C8orf34: variants seen among roughly 807,000 people sequenced by gnomAD.
C8orf34 encodes the protein chromosome 8 open reading frame 34.
In C8orf34, 65 loss-of-function variants were observed where a neutral mutation model predicts 68.3. That is an observed-to-expected ratio of 0.95 (90% CI 0.78 to 1.17). The LOEUF (loss-of-function observed/expected upper bound fraction) is 1.17. Ranked by LOEUF, C8orf34 falls within the 50% of genes most tolerant of loss-of-function variation. The pLI is 0.00. For missense variants in C8orf34, 664 were observed against 655.4 expected, an observed-to-expected ratio of 1.01 and a Z score of -0.14; for synonymous variants, 244 against 241.2, an observed-to-expected ratio of 1.01 and a Z score of -0.11.
chr8:68,727,846 C>G (rs933773429), intron 10 of C8orf34, among the ~76,000 whole-genome samples: 2 of 152,180 alleles, frequency 1.3e-5, no homozygotes, highest in Admixed American at 1.3e-4. Context: ...ACCCTAGGCC[C>G]AGCCCATCCT....
intron 7 of C8orf34, among the ~76,000 whole-genome samples, chr8:68,610,720 G>A (rs1307737852): frequency 6.6e-6 from 1 of 152,098 alleles, no homozygotes; most frequent in Non-Finnish European, 1.5e-5. Flanking sequence ...TAAAAAAACA[G>A]TCAGGGACTA....
chr8:68,400,119 C>T (rs1026723001), intron 1 of C8orf34, among the ~76,000 whole-genome samples: 1 of 152,096 alleles, frequency 6.6e-6, no homozygotes, highest in Admixed American at 6.6e-5. Flanking sequence ...GGCAAGCTGT[C>T]TATTCACTCT....
chr8:68,624,840 G>T (rs1001065876), intron 7 of C8orf34, among the ~76,000 whole-genome samples: 2 of 151,382 alleles, frequency 1.3e-5, no homozygotes, highest in Non-Finnish European at 2.9e-5. Context: ...GAATCAAATG[G>T]TCCTTCTGCC....
chr8:68,464,146 T>C (rs1038743584), intron 3 of C8orf34, among the ~76,000 whole-genome samples: 11 of 152,080 alleles, frequency 7.2e-5, no homozygotes, highest in South Asian at 2.1e-4. Context: ...TATACACCAA[T>C]AACAGACAAA....
At chr8:68,521,653 G>A in intron 5 of C8orf34, 146 bp from the exon 6 acceptor site, 4 of 635,140 alleles carry the variant, frequency 6.3e-6, no homozygotes, top group South Asian at 2.3e-5. Flanking sequence ...AAGCTATCTA[G>A]TAGAGTTGGA....
upstream of C8orf34, chr8:68,330,778 C>T (rs1805531816): frequency 4.6e-6 from 2 of 435,358 alleles, no homozygotes; most frequent in Non-Finnish European, 4.0e-6. Context: ...GAGGTACACA[C>T]AGTCGCGCGC....
At chr8:68,386,253 C>T (rs563019754) in intron 1 of C8orf34, among the ~76,000 whole-genome samples, 1 of 152,260 alleles carries the variant, frequency 6.6e-6, no homozygotes, top group Admixed American at 6.5e-5. Context: ...AGAGCCTGAA[C>T]TTGGCATGAA....
chr8:68,496,964 A>C (rs775031040), intron 5 of C8orf34, among the ~76,000 whole-genome samples: 1 of 152,174 alleles, frequency 6.6e-6, no homozygotes, highest in Non-Finnish European at 1.5e-5. Flanking sequence ...GATGTTTATC[A>C]GGTAAAATTT....
chr8:68,457,467 A>C, intron 3 of C8orf34, among the ~76,000 whole-genome samples: 1 of 152,214 alleles, frequency 6.6e-6, no homozygotes, highest in East Asian at 1.9e-4. Context: ...GCATTTATTA[A>C]ATTTTAGAAA....
chr8:68,396,052 T>C (rs1005927804), intron 1 of C8orf34, among the ~76,000 whole-genome samples: 2 of 152,058 alleles, frequency 1.3e-5, no homozygotes, highest in African/African-American at 4.8e-5. Context: ...CCCCATACTT[T>C]GGAATATTTT....
intron 1 of C8orf34, among the ~76,000 whole-genome samples, chr8:68,424,494 CAAG>C (rs1380329040): frequency 6.6e-6 from 1 of 152,042 alleles, no homozygotes; most frequent in Non-Finnish European, 1.5e-5. Flanking sequence ...AAACCAGTAT[CAAG>C]AAGAATTGGA....
At chr8:68,806,537 T>C (rs1052190604) in intron 12 of C8orf34, among the ~76,000 whole-genome samples, 1 of 152,048 alleles carries the variant, frequency 6.6e-6, no homozygotes, top group Admixed American at 6.5e-5. Flanking sequence ...TTACTACTAA[T>C]AATATTTTTA....
At chr8:68,535,377 ACT>A (rs1815421691) in intron 7 of C8orf34, 1 of 984,574 alleles carries the variant, frequency 1.0e-6, no homozygotes, top group Non-Finnish European at 1.2e-6. Flanking sequence ...CCAAGATATA[ACT>A]GGCTGAAAAA....
At chr8:68,580,643 G>A (rs139311879) in intron 7 of C8orf34, among the ~76,000 whole-genome samples, 1 of 152,228 alleles carries the variant, frequency 6.6e-6, no homozygotes, top group East Asian at 1.9e-4. Flanking sequence ...CTGTCTACAA[G>A]TATAATCAAT....
At chr8:68,419,981 T>TAA (rs201937815) in intron 1 of C8orf34, among the ~76,000 whole-genome samples, 9 of 68,970 alleles carry the variant, frequency 1.3e-4, no homozygotes, top group African/African-American at 3.6e-4. Flanking sequence ...AGTATAATAA[T>TAA]AAAAAAAAAA....
intron 12 of C8orf34, among the ~76,000 whole-genome samples, chr8:68,789,584 G>T (rs1430209355): frequency 6.6e-6 from 1 of 152,102 alleles, no homozygotes; most frequent in Non-Finnish European, 1.5e-5. Flanking sequence ...TTGGCAATAA[G>T]TTTTAATTTT....
intron 7 of C8orf34, among the ~76,000 whole-genome samples, chr8:68,639,312 T>C (rs984878): frequency 0.069 from 10,529 of 152,188 alleles, 523 homozygotes; most frequent in African/African-American, 0.13. Flanking sequence ...ACAACAAGGC[T>C]TTCACTTGGG....
intron 7 of C8orf34, chr8:68,535,163 T>C: frequency 1.4e-5 from 14 of 984,888 alleles, no homozygotes; most frequent in Non-Finnish European, 1.7e-5. Context: ...GCAAAATGTA[T>C]GTGATTGTGT....
chr8:68,386,673 T>C (rs998644564), intron 1 of C8orf34, among the ~76,000 whole-genome samples: 5 of 152,180 alleles, frequency 3.3e-5, no homozygotes, highest in Admixed American at 1.3e-4. Context: ...GGGATTTTCT[T>C]CTTCTTTCAA....
Sources: allele counts gnomAD v4.1 joint callset (sites outside exome capture counted in the v4.1 genomes callset), GRCh38; gene constraint gnomAD v4.1.1; transcripts MANE v1.5; gene names NCBI Gene and HGNC (gene_info 2026-07-23, HGNC 2026-07-21).